Variants in KALRN observed in about 807,000 individuals in gnomAD.
KALRN encodes the protein kalirin.
KALRN carries 70 observed loss-of-function variants against 353.7 expected under a neutral mutation model. The observed-to-expected ratio is 0.20, with a 90% CI of 0.16 to 0.24. The LOEUF is 0.24. Among genes scored for constraint, KALRN ranks in the 10% least tolerant of loss-of-function variants. KALRN has a pLI of 1.00. For missense variants in KALRN, 2,791 were observed against 3,756.7 expected, an observed-to-expected ratio of 0.74 and a Z score of 6.72; for synonymous variants, 1,391 against 1,434.8, an observed-to-expected ratio of 0.97 and a Z score of 0.69.
intron 3 of KALRN, among the ~76,000 whole-genome samples, chr3:124,246,494 G>T (rs1426327845): frequency 2.0e-5 from 3 of 152,036 alleles, no homozygotes; most frequent in African/African-American, 7.3e-5. Context: ...CTTTAGTTTT[G>T]CCTCTGGATG....
At chr3:124,345,312 T>G (rs1365131223) in intron 9 of KALRN, among the ~76,000 whole-genome samples, 1 of 152,210 alleles carries the variant, frequency 6.6e-6, no homozygotes, top group African/African-American at 2.4e-5. Context: ...TGACTACAAG[T>G]ATTTACCTTT....
At chr3:124,628,845 CTCCCAAA>C (rs2080413943) in intron 34 of KALRN, among the ~76,000 whole-genome samples, 1 of 149,060 alleles carries the variant, frequency 6.7e-6, no homozygotes, top group Non-Finnish European at 1.5e-5. Context: ...CCACTTCTGC[CTCCCAAA>C]ATGCTGGGAT....
chr3:124,650,524 G>A (rs771440730), intron 37 of KALRN, among the ~76,000 whole-genome samples: 38 of 152,264 alleles, frequency 2.5e-4, no homozygotes, highest in Middle Eastern at 3.4e-3. Flanking sequence ...CATTACCTCT[G>A]GAGCTCTTAA....
chr3:124,462,377 T>C, intron 24 of KALRN, 147 bp from the exon 25 acceptor site: 2 of 577,840 alleles, frequency 3.5e-6, no homozygotes, highest in South Asian at 4.6e-5. Flanking sequence ...TTTCTTTCTC[T>C]TATGTTTACT....
At chr3:124,193,160 G>T (rs2075106857) in intron 1 of KALRN, among the ~76,000 whole-genome samples, 1 of 152,148 alleles carries the variant, frequency 6.6e-6, no homozygotes. Context: ...AACCCCTGTA[G>T]ACTGCATTTC....
intron 11 of KALRN, among the ~76,000 whole-genome samples, chr3:124,393,423 G>T (rs4443112): frequency 0.95 from 144,359 of 152,324 alleles, 68,896 homozygotes; most frequent in East Asian, 1. Context: ...TATCCTGTAC[G>T]TCCTGGTTTT....
intron 55 of KALRN, among the ~76,000 whole-genome samples, chr3:124,699,103 T>A (rs1386405700): frequency 1.3e-5 from 2 of 152,256 alleles, no homozygotes; most frequent in Non-Finnish European, 2.9e-5. Flanking sequence ...TCCTTCTTTC[T>A]TATTAAACAG....
intron 34 of KALRN, among the ~76,000 whole-genome samples, chr3:124,590,887 A>T (rs777849538): frequency 3.3e-5 from 5 of 152,192 alleles, no homozygotes; most frequent in Non-Finnish European, 5.9e-5. Context: ...GAAAATGGAG[A>T]TCCAGCCTTT....
intron 33 of KALRN, among the ~76,000 whole-genome samples, chr3:124,537,963 A>G (rs1342393839): frequency 6.6e-6 from 1 of 152,240 alleles, no homozygotes; most frequent in Non-Finnish European, 1.5e-5. Context: ...AGAAGAGGAT[A>G]ATATGGTAAG....
intron 1 of KALRN, among the ~76,000 whole-genome samples, chr3:124,188,302 T>A (rs1215977214): frequency 6.6e-6 from 1 of 152,052 alleles, no homozygotes; most frequent in Non-Finnish European, 1.5e-5. Context: ...GATTCTGCAG[T>A]AGAGATATTG....
At chr3:124,647,404 C>T (rs1294599677) in intron 37 of KALRN, among the ~76,000 whole-genome samples, 1 of 152,192 alleles carries the variant, frequency 6.6e-6, no homozygotes, top group Non-Finnish European at 1.5e-5. Context: ...TTTCAGCTTC[C>T]CAGGCTGCCC....
At chr3:124,555,078 T>C (rs1007979723) in intron 33 of KALRN, among the ~76,000 whole-genome samples, 2 of 152,128 alleles carry the variant, frequency 1.3e-5, no homozygotes, top group African/African-American at 4.8e-5. Context: ...CTTCCTGTTT[T>C]AGCCCCACCT....
chr3:124,431,242 C>T (rs1455476006), intron 16 of KALRN, among the ~76,000 whole-genome samples: 1 of 152,138 alleles, frequency 6.6e-6, no homozygotes, highest in Non-Finnish European at 1.5e-5. Flanking sequence ...CAGAGTCTGC[C>T]TTTTAACAAG....
At chr3:124,077,476 C>T (rs1201034287) in intron 1 of KALRN, among the ~76,000 whole-genome samples, 1 of 152,046 alleles carries the variant, frequency 6.6e-6, no homozygotes, top group Non-Finnish European at 1.5e-5. Flanking sequence ...TCATTCATTC[C>T]TACTCTTTCC....
At chr3:124,591,060 A>C (rs1346670000) in intron 34 of KALRN, among the ~76,000 whole-genome samples, 1 of 152,054 alleles carries the variant, frequency 6.6e-6, no homozygotes, top group African/African-American at 2.4e-5. Context: ...GACTGTGTTG[A>C]TCTGTTGTTT....
intron 1 of KALRN, among the ~76,000 whole-genome samples, chr3:124,036,858 T>C (rs569967152): frequency 6.6e-6 from 1 of 152,370 alleles, no homozygotes; most frequent in African/African-American, 2.4e-5. Flanking sequence ...CTTCTGATCA[T>C]TTTGGTGTTT....
At chr3:124,207,516 A>T (rs945579373) in intron 1 of KALRN, among the ~76,000 whole-genome samples, 1 of 152,104 alleles carries the variant, frequency 6.6e-6, no homozygotes, top group Non-Finnish European at 1.5e-5. Flanking sequence ...CCCTAAAGAG[A>T]TTGAAGTTCT....
At chr3:124,202,328 G>C (rs1253457086) in intron 1 of KALRN, among the ~76,000 whole-genome samples, 1 of 152,130 alleles carries the variant, frequency 6.6e-6, no homozygotes, top group Non-Finnish European at 1.5e-5. Context: ...ACAGGTCACT[G>C]CAGCCTCAAC....
chr3:124,562,941 G>A lies in KALRN; in HGVS notation c.5034G>A (p.Leu1678=), dbSNP rs1447963800. ...AGGTGGGGCAGACGGTAGAGCTGCTGGAGCGGCCCAGCGAGCGGCCTGGTT... is the reference window on the plus strand; with the variant it reads ...AGGTGGGGCAGACGGTAGAGCTGCTAGAGCGGCCCAGCGAGCGGCCTGGTT... The part of the protein sequence containing the change: ...TIQVGQTVEL[L]ERPSERPGWC... Residue 1678 remains leucine (L), a synonymous_variant, in exon 34 of 60, where the codon CTG becomes CTA. Coordinates refer to ENST00000682506, the MANE Select transcript of KALRN (RefSeq NM_001388419.1). The A allele has an allele frequency of 1.5e-6, 2 of 1,367,806 alleles. No homozygotes were observed. The highest frequency in any genetic ancestry group is 1.5e-5 in the African/African-American group (1 of 67,762). The allele number at this position is 1,367,806 out of a possible 1,614,324, so 84.7% of individuals were successfully genotyped here.
Sources: allele counts gnomAD v4.1 joint callset (sites outside exome capture counted in the v4.1 genomes callset), GRCh38; gene constraint gnomAD v4.1.1; transcripts MANE v1.5; gene names NCBI Gene and HGNC (gene_info 2026-07-23, HGNC 2026-07-21).